ERC2: variants seen among roughly 807,000 people sequenced by gnomAD.
ERC2 encodes ELKS/RAB6-interacting/CAST family member 2.
In ERC2, 42 loss-of-function variants were observed where a neutral mutation model predicts 114.8. The observed-to-expected ratio is 0.37, with a 90% confidence interval of 0.29 to 0.47. The LOEUF is 0.47. ERC2 is among the 20% of genes least tolerant of loss of function. The pLI is 0.99. For synonymous variants in ERC2, 454 were observed against 425.5 expected, an observed-to-expected ratio of 1.07 and a Z score of -0.82; for missense variants, 939 against 1,150.7, an observed-to-expected ratio of 0.82 and a Z score of 2.66.
intron 2 of ERC2, among the ~76,000 whole-genome samples, chr3:56,366,218 CCTT>C (rs2059145343): frequency 6.6e-6 from 1 of 152,242 alleles, no homozygotes; most frequent in Non-Finnish European, 1.5e-5. Context: ...GTATCCGAAA[CCTT>C]CTCTTTTTCA....
chr3:55,532,800 T>TAA (rs1205145855), intron 17 of ERC2, among the ~76,000 whole-genome samples: 1 of 152,228 alleles, frequency 6.6e-6, no homozygotes, highest in African/African-American at 2.4e-5. Flanking sequence ...TGTTCTCAGT[T>TAA]AATCGGTTCA....
chr3:56,449,602 G>A (rs985063184), intron 1 of ERC2, among the ~76,000 whole-genome samples: 1 of 152,212 alleles, frequency 6.6e-6, no homozygotes, highest in Admixed American at 6.5e-5. Flanking sequence ...AAGGAAAAGA[G>A]GAGCCTCAAA....
chr3:55,868,821 A>G (rs1453660515), intron 14 of ERC2, among the ~76,000 whole-genome samples: 1 of 152,202 alleles, frequency 6.6e-6, no homozygotes, highest in African/African-American at 2.4e-5. Context: ...ATAAGAAAAC[A>G]TTAGATTATG....
intron 3 of ERC2, among the ~76,000 whole-genome samples, chr3:56,277,165 C>T (rs888615545): frequency 4.6e-5 from 7 of 152,310 alleles, no homozygotes; most frequent in East Asian, 1.9e-4. Flanking sequence ...TGAGTTCTCT[C>T]GCCCTTGATG....
At position 56,138,023 on chromosome 3, in the gene ERC2, G is replaced by A. The variant is rs1422605095; in HGVS notation, c.1473+1486C>T. Among the ~76,000 whole-genome samples, 10 of 149,148 alleles carry A rather than the reference G, an allele frequency of 6.7e-5. No individual in the cohort carries two copies. The Admixed American group carries it at 6.7e-4, about 10-fold the overall frequency. On this transcript the variant is annotated intron_variant, in intron 6 of 17. Transcript: ENST00000288221. ...TACCCATACCTTTGCATTCACAGTG[G>A]AACTATACACAACTGAAAATGGTAT...
intron 14 of ERC2, among the ~76,000 whole-genome samples, chr3:55,798,950 A>G (rs933030325): frequency 6.6e-6 from 1 of 152,214 alleles, no homozygotes; most frequent in Non-Finnish European, 1.5e-5. Context: ...ACATTTTTAA[A>G]AATAATGTCC....
At chr3:55,703,639 C>G (rs765246745) in intron 15 of ERC2, among the ~76,000 whole-genome samples, 32 of 152,172 alleles carry the variant, frequency 2.1e-4, no homozygotes, top group Non-Finnish European at 3.7e-4. Flanking sequence ...AGTGCAGAGT[C>G]TCATGTCTTA....
At chr3:56,105,458 G>A (rs993627289) in intron 6 of ERC2, among the ~76,000 whole-genome samples, 2 of 152,084 alleles carry the variant, frequency 1.3e-5, no homozygotes, top group Non-Finnish European at 2.9e-5. Context: ...GACTACAGGT[G>A]TGCATCACCA....
chr3:56,127,053 C>A (rs2079919300), intron 6 of ERC2, among the ~76,000 whole-genome samples: 1 of 151,836 alleles, frequency 6.6e-6, no homozygotes, highest in Non-Finnish European at 1.5e-5. Context: ...AAAAAGAAAT[C>A]AAGAAAACAA....
At chr3:55,767,714 G>A (rs1429325926) in intron 14 of ERC2, among the ~76,000 whole-genome samples, 1 of 152,164 alleles carries the variant, frequency 6.6e-6, no homozygotes, top group Non-Finnish European at 1.5e-5. Context: ...AGGGCATCAG[G>A]GATGAACAAC....
intron 3 of ERC2, among the ~76,000 whole-genome samples, chr3:56,206,106 C>A (rs2048711031): frequency 6.6e-6 from 1 of 152,042 alleles, no homozygotes; most frequent in African/African-American, 2.4e-5. Flanking sequence ...CCTTATAAAA[C>A]TAACTTCTGT....
intron 12 of ERC2, among the ~76,000 whole-genome samples, chr3:55,978,764 C>T (rs2069807767): frequency 6.6e-6 from 1 of 152,172 alleles, no homozygotes; most frequent in African/African-American, 2.4e-5. Flanking sequence ...GATGTTGTTT[C>T]TTAGGAGGTA....
intron 7 of ERC2, among the ~76,000 whole-genome samples, chr3:56,078,292 C>T (rs946857607): frequency 3.3e-5 from 5 of 152,168 alleles, no homozygotes; most frequent in South Asian, 2.1e-4. Context: ...GAGTTTCTAA[C>T]GAATGCAGTG....
chr3:55,925,128 G>C (rs183034852), intron 13 of ERC2, among the ~76,000 whole-genome samples: 75 of 152,280 alleles, frequency 4.9e-4, no homozygotes, highest in Non-Finnish European at 3.7e-4. Context: ...TTTGTATAGA[G>C]AATGGATCTA....
At chr3:55,712,276 A>G (rs1412005563) in intron 15 of ERC2, among the ~76,000 whole-genome samples, 1 of 152,192 alleles carries the variant, frequency 6.6e-6, no homozygotes, top group Non-Finnish European at 1.5e-5. Flanking sequence ...GGGCACATAA[A>G]AGCAGGCCAT....
chr3:55,955,744 T>G (rs899162523), intron 12 of ERC2, among the ~76,000 whole-genome samples: 1 of 152,230 alleles, frequency 6.6e-6, no homozygotes, highest in African/African-American at 2.4e-5. Flanking sequence ...TTCATTTCTC[T>G]TGGACAAATA....
intron 17 of ERC2, chr3:55,658,331 C>T (rs2060969400): frequency 6.6e-6 from 1 of 152,138 alleles, no homozygotes; most frequent in African/African-American, 2.4e-5. Context: ...AGTTCTTTTT[C>T]CAAGCAATCT....
chr3:56,314,064 G>A (rs1207147486), intron 2 of ERC2, among the ~76,000 whole-genome samples: 2 of 152,102 alleles, frequency 1.3e-5, no homozygotes, highest in Non-Finnish European at 2.9e-5. Flanking sequence ...GTTTGCTAAG[G>A]ATAATGGAAA....
chr3:55,920,218 T>G (rs1304845277), intron 13 of ERC2, among the ~76,000 whole-genome samples: 7 of 152,132 alleles, frequency 4.6e-5, no homozygotes, highest in African/African-American at 1.7e-4. Flanking sequence ...AAATTATTTA[T>G]TTATTAAGTA....
Sources: allele counts gnomAD v4.1 joint callset (sites outside exome capture counted in the v4.1 genomes callset), GRCh38; gene constraint gnomAD v4.1.1; transcripts MANE v1.5; gene names NCBI Gene and HGNC (gene_info 2026-07-23, HGNC 2026-07-21).